GSTA1: variants seen among roughly 807,000 people sequenced by gnomAD.
GSTA1 encodes glutathione S-transferase alpha 1, also known as glutathione S-transferase A1.
Under a neutral mutation model 21.5 loss-of-function variants are expected in GSTA1, and 23 were observed. That is an observed-to-expected ratio of 1.07 (90% CI 0.77 to 1.52). The LOEUF (loss-of-function observed/expected upper bound fraction) is 1.52, where lower values mean the gene tolerates loss of function less well. Among genes scored for constraint, GSTA1 ranks in the 40% most tolerant of loss-of-function variants. GSTA1 has a pLI of 0.00. For missense variants in GSTA1, 301 were observed against 264.2 expected (o/e 1.14, Z -0.96); for synonymous variants, 125 against 90.0 (o/e 1.39, Z -2.20).
intron 5 of GSTA1, 98 bp downstream of exon 5, chr6:52,794,027 C>T: frequency 6.8e-7 from 1 of 1,463,904 alleles, no homozygotes; most frequent in Admixed American, 1.7e-5. Context: ...CAGGAAGTCT[C>T]ACTGAAAGTG....
chr6:52,791,947 C>T lies in GSTA1; in HGVS notation c.580G>A (p.Val194Met). Residue 194 changes from valine to methionine, a missense_variant, in exon 7 of 7, where the codon GTG becomes ATG. Val to Met is a conservative substitution (Grantham distance 21, BLOSUM62 1). Coordinates refer to ENST00000334575, the MANE Select transcript of GSTA1 (RefSeq NM_145740.5). ...CTGCCAGGCTGTAGAAACTTCTTCA[C>T]TGTGGGCAGGTTGCTGATTCTGGTT... is the stretch of plus-strand genomic sequence containing the variant. ...LKTRISNLPTVKKFLQPGSPR... is the reference protein window; with the variant it reads ...LKTRISNLPTMKKFLQPGSPR... 6.2e-7 allele frequency: 1 copy of T among 1,613,970 alleles called. No homozygotes were observed. Among genetic ancestry groups the T allele is most frequent in the Non-Finnish European group, 8.5e-7 (1 of 1,179,860 alleles).
Position 52,796,237 on chromosome 6 carries a change from T to C in GSTA1, c.217A>G (p.Asn73Asp). 1 of 1,613,836 alleles carries C rather than the reference T, an allele frequency of 6.2e-7. No individual in the cohort carries two copies. ...AGGTTGTATTTGCTGGCAATGTAGT[T>C]GAGAATGGCTCTGGTCTGCACCAGC... ...MKLVQTRAIL[N>D]YIASKYNLYG... The change falls in exon 4 of 7, where the codon AAC (asparagine) becomes GAC (aspartate). Residue 73 changes from asparagine (N) to aspartate (D), a missense_variant. Transcript: ENST00000334575.
intron 3 of GSTA1, among the ~76,000 whole-genome samples, chr6:52,797,334 C>G (rs1763614763): frequency 6.6e-6 from 1 of 152,128 alleles, no homozygotes; most frequent in Non-Finnish European, 1.5e-5. Flanking sequence ...AGCATGAAAA[C>G]AAAGAAAGGG....
chr6:52,796,069 C>G (rs2290757), intron 4 of GSTA1, 113 bp downstream of exon 4: 1 of 1,527,390 alleles, frequency 6.5e-7, no homozygotes, highest in Non-Finnish European at 9.0e-7. Context: ...CGTACATGCC[C>G]AAGGCCCAGC....
intron 5 of GSTA1, 70 bp from the exon 6 acceptor site, chr6:52,793,057 C>T (rs1461722174): frequency 3.7e-6 from 6 of 1,607,216 alleles, no homozygotes; most frequent in Non-Finnish European, 4.3e-6. Context: ...TCTTTCGGAG[C>T]CTCTCCACCC....
Position 52,791,886 on chromosome 6 carries a change from T to G in GSTA1, c.641A>C (p.Glu214Ala). The change falls in exon 7 of 7, where the codon GAA becomes GCA. Residue 214 changes from glutamate to alanine, a missense_variant. Physicochemically the swap from Glu to Ala is moderately radical, Grantham distance 107. Transcript: ENST00000334575. ...AAACCTGAAAATCTTCCTTGCTTCT[T>G]CTAAAGATTTCTCATCCATGGGAGG... ...RKPPMDEKSL[E>A]EARKIFRF 1 of 1,614,022 alleles carries G rather than the reference T, an allele frequency of 6.2e-7. No homozygotes were observed. The highest frequency in any genetic ancestry group is 8.5e-7 in the Non-Finnish European group (1 of 1,179,884).
At chr6:52,797,550 A>T (rs1763619144) in intron 3 of GSTA1, 36 bp downstream of exon 3, 2 of 1,540,208 alleles carry the variant, frequency 1.3e-6, no homozygotes, top group Non-Finnish European at 9.0e-7. Flanking sequence ...CTTCTACTAG[A>T]TACCCTCATC....
chr6:52,796,537 A>ATG, intron 3 of GSTA1, among the ~76,000 whole-genome samples: 1 of 40,110 alleles, frequency 2.5e-5, no homozygotes, highest in South Asian at 9.2e-4. Context: ...GTGTATATAT[A>ATG]TATATATTTT....
chr6:52,795,947 G>A (rs73437410), intron 4 of GSTA1, among the ~76,000 whole-genome samples: 2,591 of 152,172 alleles, frequency 0.017, 45 homozygotes, highest in African/African-American at 0.043. Flanking sequence ...GGAAATTACC[G>A]TGAGGTGCTG....
At chr6:52,793,190 GCT>G (rs918133131) in intron 5 of GSTA1, among the ~76,000 whole-genome samples, 14 of 152,184 alleles carry the variant, frequency 9.2e-5, no homozygotes, top group Middle Eastern at 3.4e-3. Context: ...TGTAGCTCAG[GCT>G]CCCATTTTCT....
At chr6:52,801,813 C>T (rs1490681742) in intron 1 of GSTA1, among the ~76,000 whole-genome samples, 1 of 151,996 alleles carries the variant, frequency 6.6e-6, no homozygotes, top group South Asian at 2.1e-4. Flanking sequence ...GGAAATGGCT[C>T]CTATTATCCA....
At position 52,791,786 on chromosome 6, in the gene GSTA1, G is replaced by C; in HGVS notation, c.*72C>G. ...TCACAACAGGCACAATCAACACTTAGGTAAAGTACTTTATTGTTGCAAAAC... is the reference window on the plus strand; with the variant it reads ...TCACAACAGGCACAATCAACACTTACGTAAAGTACTTTATTGTTGCAAAAC... On this transcript the variant is annotated 3_prime_UTR_variant, in exon 7 of 7. Transcript: ENST00000334575. 6.4e-7 allele frequency: 1 copy of C among 1,571,966 alleles called. No homozygotes were observed. The highest frequency in any genetic ancestry group is 1.1e-5 in the South Asian group (1 of 88,714).
chr6:52,800,942 C>G (rs373027563), intron 1 of GSTA1, among the ~76,000 whole-genome samples: 3 of 152,166 alleles, frequency 2.0e-5, no homozygotes, highest in South Asian at 4.1e-4. Context: ...AGAGCAATGG[C>G]GTGATCTTGG....
At chr6:52,795,111 T>TTCC (rs2127302106) in intron 4 of GSTA1, among the ~76,000 whole-genome samples, 1 of 376 alleles carries the variant, frequency 2.7e-3, no homozygotes, top group African/African-American at 3.1e-3. Context: ...ATTAGCAGTA[T>TTCC]TCTTTTTTCT....
intron 3 of GSTA1, among the ~76,000 whole-genome samples, chr6:52,796,544 T>TATATA (rs371040479): frequency 1.3e-3 from 53 of 40,400 alleles, no homozygotes; most frequent in East Asian, 3.2e-3. Flanking sequence ...TATATATATA[T>TATATA]TTTTTTTTTT....
At chr6:52,798,291 G>T (rs1235516053) in intron 2 of GSTA1, among the ~76,000 whole-genome samples, 1 of 147,386 alleles carries the variant, frequency 6.8e-6, no homozygotes, top group Non-Finnish European at 1.5e-5. Flanking sequence ...TGGCATTGGG[G>T]AATGCTTGTG....
At chr6:52,797,026 G>T (rs1337921934) in intron 3 of GSTA1, among the ~76,000 whole-genome samples, 5 of 152,190 alleles carry the variant, frequency 3.3e-5, no homozygotes, top group East Asian at 1.9e-4. Context: ...GTTACAATAG[G>T]ACTGGCAACA....
rs1235424727 is a variant in GSTA1 at position 52,797,759 on chromosome 6, C to A, written c.88-122G>T. On this transcript the variant is annotated intron_variant, in intron 2 of 6. Transcript: ENST00000334575. ...AGATTTCTGAGTTTGGCAGGGTACA[C>A]AGAGGGGGCTGGTCATGGCCATTTG... The A allele has an allele frequency of 3.1e-5, 26 of 833,374 alleles. No individual in the cohort carries two copies. The East Asian group carries it at 6.9e-4, about 22-fold the overall frequency. The allele number at this position is 833,374 out of a possible 1,614,324, so 51.6% of individuals were successfully genotyped here.
intron 1 of GSTA1, among the ~76,000 whole-genome samples, chr6:52,802,840 T>C (rs1316248343): frequency 6.6e-6 from 1 of 152,202 alleles, no homozygotes; most frequent in Non-Finnish European, 1.5e-5. Context: ...TGTCATATGA[T>C]GGCTCTCTGT....
Sources: allele counts gnomAD v4.1 joint callset (sites outside exome capture counted in the v4.1 genomes callset), GRCh38; gene constraint gnomAD v4.1.1; transcripts MANE v1.5; gene names NCBI Gene and HGNC (gene_info 2026-07-23, HGNC 2026-07-21).